SKAP1: variants seen among roughly 807,000 people sequenced by gnomAD.
SKAP1 encodes src kinase-associated phosphoprotein 1.
Under a neutral mutation model 58.5 loss-of-function variants are expected in SKAP1, and 44 were observed. The ratio of observed to expected loss-of-function variants is 0.75; its 90% CI spans 0.59 to 0.97. The LOEUF (loss-of-function observed/expected upper bound fraction) is 0.97, where lower values mean the gene tolerates loss of function less well. Ranked by LOEUF, SKAP1 falls within the 50% of genes least tolerant of loss-of-function variation. SKAP1 has a pLI of 0.00. For synonymous variants in SKAP1, 127 were observed against 149.7 expected (o/e 0.85, Z 1.11); for missense variants, 390 against 435.2 (o/e 0.90, Z 0.92).
chr17:48,339,984 C>A (rs1330393781), intron 4 of SKAP1, among the ~76,000 whole-genome samples: 1 of 152,044 alleles, frequency 6.6e-6, no homozygotes, highest in Non-Finnish European at 1.5e-5. Flanking sequence ...AGTTCGAGAC[C>A]AGCCTGACCA....
chr17:48,152,307 G>C (rs2063910985), intron 11 of SKAP1, among the ~76,000 whole-genome samples: 1 of 152,188 alleles, frequency 6.6e-6, no homozygotes, highest in Admixed American at 6.5e-5. Context: ...TATTTTGCTA[G>C]TTTGGTTGGA....
intron 3 of SKAP1, among the ~76,000 whole-genome samples, chr17:48,354,208 A>G (rs961225317): frequency 2.7e-4 from 41 of 151,894 alleles, no homozygotes; most frequent in African/African-American, 9.7e-4. Flanking sequence ...ACAAGATTCA[A>G]CCTCCCCATG....
At chr17:48,215,054 G>C (rs1289888077) in intron 4 of SKAP1, among the ~76,000 whole-genome samples, 1 of 152,026 alleles carries the variant, frequency 6.6e-6, no homozygotes, top group Non-Finnish European at 1.5e-5. Context: ...TCCAAGTGCT[G>C]GGATTACAGG....
intron 1 of SKAP1, among the ~76,000 whole-genome samples, chr17:48,422,126 G>A (rs527831599): frequency 6.6e-5 from 10 of 152,194 alleles, no homozygotes; most frequent in African/African-American, 9.6e-5. Context: ...CAGGAGAATC[G>A]CTCGAACCCA....
chr17:48,359,021 C>G (rs1256534147), intron 3 of SKAP1, among the ~76,000 whole-genome samples: 2 of 152,104 alleles, frequency 1.3e-5, no homozygotes, highest in African/African-American at 4.8e-5. Context: ...ATTCTATGTA[C>G]TTTATATCCA....
intron 2 of SKAP1, among the ~76,000 whole-genome samples, chr17:48,385,465 AAG>A: frequency 6.6e-6 from 1 of 152,322 alleles, no homozygotes; most frequent in East Asian, 1.9e-4. Flanking sequence ...AGCTAAATTT[AAG>A]AAAGAGGAAG....
At chr17:48,385,631 C>A (rs1367951666) in intron 2 of SKAP1, among the ~76,000 whole-genome samples, 1 of 152,034 alleles carries the variant, frequency 6.6e-6, no homozygotes, top group African/African-American at 2.4e-5. Flanking sequence ...AGGTCTGAAG[C>A]AAGATTGAAT....
the SKAP1 span, among the ~76,000 whole-genome samples, chr17:48,441,669 G>T: frequency 3.3e-5 from 5 of 152,140 alleles, no homozygotes. Context: ...GTATAAACCT[G>T]ATTGCTCAGG....
chr17:48,362,848 C>T (rs1454245708), intron 3 of SKAP1, among the ~76,000 whole-genome samples: 1 of 152,068 alleles, frequency 6.6e-6, no homozygotes, highest in Non-Finnish European at 1.5e-5. Context: ...ACAGTGACAA[C>T]ATTAAGAGAA....
At chr17:48,361,034 G>C (rs1055575663) in intron 3 of SKAP1, among the ~76,000 whole-genome samples, 4 of 151,812 alleles carry the variant, frequency 2.6e-5, no homozygotes, top group Admixed American at 1.3e-4. Context: ...GAAACGTTCT[G>C]AAATTAGATA....
chr17:48,435,281 C>T, the SKAP1 span, among the ~76,000 whole-genome samples: 5 of 151,232 alleles, frequency 3.3e-5, no homozygotes, highest in Non-Finnish European at 7.4e-5. Flanking sequence ...TAGATATCCC[C>T]GTTGGGCACT....
At chr17:48,228,276 C>T (rs1420264283) in intron 4 of SKAP1, among the ~76,000 whole-genome samples, 1 of 152,082 alleles carries the variant, frequency 6.6e-6, no homozygotes, top group Admixed American at 6.6e-5. Flanking sequence ...CTCTAAAATA[C>T]TTAATTTTTT....
intron 4 of SKAP1, among the ~76,000 whole-genome samples, chr17:48,331,673 T>C (rs1386780959): frequency 2.7e-5 from 4 of 150,854 alleles, no homozygotes; most frequent in Non-Finnish European, 4.4e-5. Context: ...TACTCCAGCC[T>C]GGTAAAAAGA....
At chr17:48,256,082 A>C (rs1272279338) in intron 4 of SKAP1, among the ~76,000 whole-genome samples, 2 of 152,082 alleles carry the variant, frequency 1.3e-5, no homozygotes, top group Non-Finnish European at 2.9e-5. Context: ...AGCCACACTT[A>C]GCATGGTTTC....
intron 4 of SKAP1, among the ~76,000 whole-genome samples, chr17:48,332,273 T>G (rs977619448): frequency 1.3e-5 from 2 of 152,114 alleles, no homozygotes; most frequent in Non-Finnish European, 2.9e-5. Context: ...ATATAAAATT[T>G]TATTATTTTT....
In SKAP1 at chr17:48,232,471, G is replaced by A. The variant is rs985520688; in HGVS notation, c.281-42971C>T. ...AAGTTTATTTACAGAAGTAACAGAT[G>A]GCTGTAAAGGTGATACAAATGTATT... On this transcript the variant is annotated intron_variant, in intron 4 of 12. Coordinates refer to ENST00000336915, the MANE Select transcript of SKAP1 (RefSeq NM_003726.4). 2.0e-5 allele frequency among the ~76,000 whole-genome samples: 3 copies of A among 152,292 alleles called. No individual in the cohort carries two copies. In the South Asian group the frequency reaches 6.2e-4, roughly 32 times the overall value.
At chr17:48,195,155 T>C (rs560912444) in intron 4 of SKAP1, among the ~76,000 whole-genome samples, 2 of 152,346 alleles carry the variant, frequency 1.3e-5, no homozygotes, top group East Asian at 3.9e-4. Flanking sequence ...CTCTCTTTTG[T>C]GCATTTGATT....
intron 2 of SKAP1, chr17:48,382,396 C>T (rs1168619601): frequency 2.0e-5 from 3 of 152,218 alleles, no homozygotes; most frequent in African/African-American, 7.2e-5. Flanking sequence ...TCCTCTCCTC[C>T]TTACTCTCCC....
intron 1 of SKAP1, among the ~76,000 whole-genome samples, chr17:48,422,556 T>C (rs59386258): frequency 0.2 from 30,404 of 152,084 alleles, 3,894 homozygotes; most frequent in South Asian, 0.38. Flanking sequence ...CTGAGACCCA[T>C]GGTCCATTTA....
Sources: allele counts gnomAD v4.1 joint callset (sites outside exome capture counted in the v4.1 genomes callset), GRCh38; gene constraint gnomAD v4.1.1; transcripts MANE v1.5; gene names NCBI Gene and HGNC (gene_info 2026-07-23, HGNC 2026-07-21).